Variants in IL1RAPL1 observed in about 807,000 individuals in gnomAD.
The protein encoded by IL1RAPL1 is interleukin 1 receptor accessory protein like 1, also known as interleukin-1 receptor accessory protein-like 1.
In IL1RAPL1, 3 loss-of-function variants were observed where a neutral mutation model predicts 48.4. The ratio of observed to expected loss-of-function variants is 0.06; its 90% CI spans 0.03 to 0.16. The LOEUF (loss-of-function observed/expected upper bound fraction) is 0.16. Among genes scored for constraint, IL1RAPL1 ranks in the 10% least tolerant of loss-of-function variants. The probability of loss-of-function intolerance (pLI) is 1.00; values close to 1 mark genes in which losing one functional copy is unlikely to be tolerated. For synonymous variants in IL1RAPL1, 185 were observed against 187.7 expected (o/e 0.99, Z 0.12); for missense variants, 349 against 530.6 (o/e 0.66, Z 3.36).
intron 1 of IL1RAPL1, among the ~76,000 whole-genome samples, chrX:28,698,357 C>T (rs1032935441): frequency 9.9e-5 from 11 of 111,328 alleles, no homozygotes; most frequent in African/African-American, 3.6e-4. Flanking sequence ...TGAGCTCTCA[C>T]CTTGACCCCT....
intron 2 of IL1RAPL1, among the ~76,000 whole-genome samples, chrX:28,961,614 C>G (rs757013276): frequency 9.0e-6 from 1 of 111,141 alleles, no homozygotes; most frequent in African/African-American, 3.3e-5. Flanking sequence ...GTTTTCTGTT[C>G]CTGTATTAGT....
chrX:28,960,178 A>G (rs777291243), intron 2 of IL1RAPL1, among the ~76,000 whole-genome samples: 37 of 111,924 alleles, frequency 3.3e-4, no homozygotes, highest in African/African-American at 1.1e-3. Flanking sequence ...CATTTTACAG[A>G]TGATCGTAGA....
intron 6 of IL1RAPL1, among the ~76,000 whole-genome samples, chrX:29,805,419 G>A (rs1601833138): frequency 9.3e-6 from 1 of 107,798 alleles, no homozygotes; most frequent in South Asian, 4.0e-4. Flanking sequence ...ACACATGCAC[G>A]CACACACACA....
At chrX:29,050,416 G>A (rs1219498750) in intron 2 of IL1RAPL1, among the ~76,000 whole-genome samples, 8 of 111,578 alleles carry the variant, frequency 7.2e-5, no homozygotes, top group Non-Finnish European at 1.5e-4. Context: ...GAAGGCCTGG[G>A]TGCTTGAATC....
intron 5 of IL1RAPL1, among the ~76,000 whole-genome samples, chrX:29,653,322 G>A (rs1374636529): frequency 8.9e-6 from 1 of 111,769 alleles, no homozygotes; most frequent in Non-Finnish European, 1.9e-5. Flanking sequence ...TGCATGTGTT[G>A]TTGTTTGTAA....
At chrX:29,148,798 G>T (rs1929400203) in intron 2 of IL1RAPL1, among the ~76,000 whole-genome samples, 1 of 111,550 alleles carries the variant, frequency 9.0e-6, no homozygotes, top group African/African-American at 3.3e-5. Flanking sequence ...ATGATTTTCT[G>T]AAGCTTTCGG....
chrX:28,923,090 G>T (rs2147338493), intron 2 of IL1RAPL1, among the ~76,000 whole-genome samples: 1 of 112,046 alleles, frequency 8.9e-6, no homozygotes, highest in African/African-American at 3.2e-5. Flanking sequence ...CAATATATAT[G>T]CCAGTCAAAT....
chrX:29,635,248 A>T (rs1157675651), intron 5 of IL1RAPL1, among the ~76,000 whole-genome samples: 1 of 111,777 alleles, frequency 8.9e-6, no homozygotes, highest in Non-Finnish European at 1.9e-5. Context: ...GCAAAAGGAA[A>T]TTAAGGTAAC....
intron 2 of IL1RAPL1, among the ~76,000 whole-genome samples, chrX:29,195,331 G>C (rs1930422201): frequency 9.0e-6 from 1 of 110,742 alleles, no homozygotes; most frequent in South Asian, 3.8e-4. Flanking sequence ...CATGCCATGA[G>C]GGAGGCATAG....
At chrX:29,825,006 C>T (rs980681948) in intron 6 of IL1RAPL1, among the ~76,000 whole-genome samples, 9 of 110,357 alleles carry the variant, frequency 8.2e-5, no homozygotes, top group Admixed American at 5.8e-4. Flanking sequence ...AGTGTTTTCT[C>T]ATCCACTAAA....
intron 6 of IL1RAPL1, among the ~76,000 whole-genome samples, chrX:29,811,030 C>T (rs1930370286): frequency 1.8e-5 from 2 of 111,056 alleles, no homozygotes; most frequent in African/African-American, 6.5e-5. Context: ...CTTGTTCCCA[C>T]TCCTGCTTGT....
chrX:29,288,931 CAT>C (rs1348628778), intron 3 of IL1RAPL1, among the ~76,000 whole-genome samples: 1 of 112,119 alleles, frequency 8.9e-6, no homozygotes, highest in Non-Finnish European at 1.9e-5. Context: ...AACGTTTTTT[CAT>C]ATGTTTGTTG....
intron 6 of IL1RAPL1, among the ~76,000 whole-genome samples, chrX:29,866,448 C>T (rs757814006): frequency 2.6e-4 from 29 of 110,549 alleles, no homozygotes; most frequent in Non-Finnish European, 4.3e-4. Flanking sequence ...ATTATAAAGA[C>T]GCTCTTTTAT....
intron 2 of IL1RAPL1, among the ~76,000 whole-genome samples, chrX:28,816,190 C>A (rs1012798950): frequency 1.8e-5 from 2 of 108,712 alleles, no homozygotes; most frequent in African/African-American, 6.7e-5. Context: ...GTCTTCTGGA[C>A]AAAAGCTATT....
intron 9 of IL1RAPL1, among the ~76,000 whole-genome samples, chrX:29,949,394 T>C (rs1005453762): frequency 3.6e-5 from 4 of 112,115 alleles, no homozygotes; most frequent in Non-Finnish European, 7.5e-5. Flanking sequence ...AGTTGAATGA[T>C]TGGATCTTGT....
chrX:29,203,722 A>AATATAT (rs56950481), intron 2 of IL1RAPL1, among the ~76,000 whole-genome samples: 109 of 78,396 alleles, frequency 1.4e-3, no homozygotes, highest in Middle Eastern at 6.5e-3. Flanking sequence ...TCCGTCTCAA[A>AATATAT]ATATATATAT....
chrX:29,241,436 A>G (rs1322577389), intron 2 of IL1RAPL1, among the ~76,000 whole-genome samples: 1 of 111,834 alleles, frequency 8.9e-6, no homozygotes, highest in African/African-American at 3.3e-5. Context: ...AAGAGGAATT[A>G]TCGCTGAAGT....
chrX:29,489,433 T>C (rs1024157880), intron 5 of IL1RAPL1, among the ~76,000 whole-genome samples: 11 of 111,911 alleles, frequency 9.8e-5, no homozygotes, highest in Non-Finnish European at 1.7e-4. Context: ...AATTATAAGA[T>C]GCTAAGCTAA....
intron 2 of IL1RAPL1, among the ~76,000 whole-genome samples, chrX:28,943,538 C>T (rs776271704): frequency 1.5e-3 from 158 of 108,959 alleles, no homozygotes; most frequent in Non-Finnish European, 2.0e-3. Context: ...GGGGTGGATA[C>T]GTAACATTTT....
Sources: allele counts gnomAD v4.1 joint callset (sites outside exome capture counted in the v4.1 genomes callset), GRCh38; gene constraint gnomAD v4.1.1; transcripts MANE v1.5; gene names NCBI Gene and HGNC (gene_info 2026-07-23, HGNC 2026-07-21).